Variants in STAM observed in about 807,000 individuals in gnomAD.
STAM encodes signal transducing adaptor molecule.
A neutral mutation model predicts 63.4 loss-of-function variants in STAM; 16 were observed. That is an observed-to-expected ratio of 0.25 (90% CI 0.17 to 0.38). The LOEUF is 0.38. Ranked by LOEUF, STAM falls within the 10% of genes least tolerant of loss-of-function variation. STAM has a pLI of 1.00. For synonymous variants in STAM, 238 were observed against 223.9 expected (o/e 1.06, Z -0.56); for missense variants, 636 against 657.1 (o/e 0.97, Z 0.35).
At chr10:17,669,582 C>G (rs1340804275) in intron 2 of STAM, among the ~76,000 whole-genome samples, 1 of 151,934 alleles carries the variant, frequency 6.6e-6, no homozygotes, top group South Asian at 2.1e-4. Flanking sequence ...AAGTTTTCCT[C>G]TTAAAAGTCT....
At position 17,644,366 on chromosome 10, in the gene STAM, C is replaced by G. The variant is rs782037157; in HGVS notation, c.27C>G (p.Phe9Leu). 9 of 1,614,064 alleles carry G rather than the reference C, an allele frequency of 5.6e-6. No individual in the cohort carries two copies. The African/African-American group carries it at 6.7e-5, about 12-fold the overall frequency. MPLFATNP[F>L]DQDVEKATSE... ...TGCCTCTTTTTGCCACCAATCCCTT[C>G]GATCAGGATGTTGGTAAGTGTTTTT... Residue 9 changes from phenylalanine to leucine, a missense_variant, in exon 1 of 14, where the codon TTC (phenylalanine) becomes TTG (leucine). By Grantham distance (22) the Phe-to-Leu change is conservative. Coordinates refer to ENST00000377524, the MANE Select transcript of STAM (RefSeq NM_003473.4).
chr10:17,693,309 A>G lies in STAM; in HGVS notation c.532A>G (p.Lys178Glu). 6.2e-7 allele frequency: 1 copy of G among 1,609,726 alleles called. No homozygotes were observed. The highest frequency in any genetic ancestry group is 8.5e-7 in the Non-Finnish European group (1 of 1,179,518). The change falls in exon 6 of 14, where the codon AAA becomes GAA. Residue 178 changes from lysine (K) to glutamate (E), a missense_variant. Physicochemically the swap from Lys to Glu is moderately conservative, Grantham distance 56. This residue lies in a region of STAM where 532 missense variants were observed against 536.9 expected (regional missense o/e 0.99). Coordinates refer to ENST00000377524, the MANE Select transcript of STAM (RefSeq NM_003473.4). Reference sequence around the variant, plus strand: ...CAAAAAAGAAGAAGAAGATTTAGCAAAAGGTGCGTTTTTAAGTCCCTGATG... The same window carrying G: ...CAAAAAAGAAGAAGAAGATTTAGCAGAAGGTGCGTTTTTAAGTCCCTGATG... ...ANKKEEEDLAKAIELSLKEQR... is the reference protein window; with the variant it reads ...ANKKEEEDLAEAIELSLKEQR...
rs148364612 is a variant in STAM, at chr10:17,644,228, A to G, written c.-112A>G. ...GAGGAGGAGCTGTCGCGGACCCTGT[A>G]GAGTCGGTCTCTGTTGCTCTTTTTG... On this transcript the variant is annotated 5_prime_UTR_variant, in exon 1 of 14. Transcript: ENST00000377524. The G allele has an allele frequency of 2.3e-4, 264 of 1,163,924 alleles. No individual in the cohort carries two copies. The highest frequency in any genetic ancestry group is 3.8e-4 in the Middle Eastern group (2 of 5,226). 72.1% of individuals were successfully genotyped at this position (1,163,924 alleles called of 1,614,324 possible). A position where few individuals can be genotyped will look rare whatever the true frequency, so the allele number is the denominator to read the frequency against.
At position 17,688,119 on chromosome 10, in the gene STAM, A is replaced by G; in HGVS notation, c.390A>G (p.Ala130=). 6.2e-7 allele frequency: 1 copy of G among 1,603,370 alleles called. No individual in the cohort carries two copies. The highest frequency in any genetic ancestry group is 8.5e-7 in the Non-Finnish European group (1 of 1,174,984). ...ATCCACAGCTTAGTCTAATATCAGC[A>G]ATGATTAAGAACCTTAAGGAACAAG... ...KNDPQLSLIS[A]MIKNLKEQGV... Residue 130 remains alanine, a synonymous_variant, in exon 5 of 14, where the codon GCA becomes GCG. Transcript: ENST00000377524.
Position 17,699,697 on chromosome 10 carries a change from C to T in STAM, c.824-494C>T, listed in dbSNP as rs142360622. Among the ~76,000 whole-genome samples, 693 of 152,290 alleles carry T rather than the reference C, an allele frequency of 4.6e-3. 6 individuals carry two copies. The highest frequency in any genetic ancestry group is 0.016 in the African/African-American group (669 of 41,568). On this transcript the variant is annotated intron_variant, in intron 8 of 13. Transcript: ENST00000377524. Reference sequence around the variant, plus strand: ...CGGCGCTCTCTAAACGCCTACGTGGCACGCCAGATAATACATAGCTGATTT... The same window carrying T: ...CGGCGCTCTCTAAACGCCTACGTGGTACGCCAGATAATACATAGCTGATTT...
rs782269561 is a variant in STAM at position 17,644,323 on chromosome 10, C to T, written c.-17C>T. 1 of 1,614,138 alleles carries T rather than the reference C, an allele frequency of 6.2e-7. No homozygotes were observed. Among genetic ancestry groups the T allele is most frequent in the Admixed American group, 1.7e-5 (1 of 60,026 alleles). On this transcript the variant is annotated 5_prime_UTR_variant, in exon 1 of 14. Transcript: ENST00000377524. ...GTCGAGAGGGAGTCCCCGGGGACAC[C>T]TCGGCACGCAGCGGAGATGCCTCTT... is the stretch of plus-strand genomic sequence containing the variant.
chr10:17,700,076 T>C, intron 8 of STAM, 115 bp from the exon 9 acceptor site: 1 of 741,720 alleles, frequency 1.3e-6, no homozygotes, highest in Non-Finnish European at 2.0e-6. Flanking sequence ...AATTGCGCCT[T>C]TTAGCTTGCT....
intron 9 of STAM, 151 bp downstream of exon 9, chr10:17,700,430 G>C (rs768670534): frequency 1.9e-6 from 1 of 533,110 alleles, no homozygotes; most frequent in Non-Finnish European, 3.2e-6. Flanking sequence ...GATGCAGACT[G>C]TTTTTTGAAA....
chr10:17,650,660 A>G (rs1025822673), intron 1 of STAM, among the ~76,000 whole-genome samples: 89 of 152,228 alleles, frequency 5.8e-4, no homozygotes, highest in African/African-American at 2.1e-3. Context: ...AGATTAGTAC[A>G]GTAGCTTCCA....
chr10:17,703,200 G>A (rs1554828761), intron 9 of STAM, among the ~76,000 whole-genome samples: 1 of 151,604 alleles, frequency 6.6e-6, no homozygotes, highest in Admixed American at 6.6e-5. Flanking sequence ...ACCTTTTTTT[G>A]TGTGTGGTAG....
At chr10:17,697,081 A>C (rs1343723965) in intron 8 of STAM, among the ~76,000 whole-genome samples, 1 of 151,982 alleles carries the variant, frequency 6.6e-6, no homozygotes, top group Non-Finnish European at 1.5e-5. Context: ...CGCCATGTCC[A>C]GCTGTTTTTG....
intron 2 of STAM, among the ~76,000 whole-genome samples, chr10:17,683,772 A>C (rs1424622676): frequency 6.6e-6 from 1 of 152,172 alleles, no homozygotes; most frequent in Non-Finnish European, 1.5e-5. Context: ...CTGCATTCTC[A>C]GTTGACTGAA....
intron 4 of STAM, among the ~76,000 whole-genome samples, chr10:17,687,569 A>G (rs1835347905): frequency 6.6e-6 from 1 of 152,254 alleles, no homozygotes; most frequent in Non-Finnish European, 1.5e-5. Context: ...TTTCAAAATG[A>G]TTAACATGCA....
chr10:17,670,224 A>G (rs1473357028), intron 2 of STAM, among the ~76,000 whole-genome samples: 2 of 152,158 alleles, frequency 1.3e-5, no homozygotes, highest in Non-Finnish European at 2.9e-5. Flanking sequence ...TTGCCTAGAC[A>G]ATGATTTTAC....
chr10:17,691,720 C>T lies in STAM; in HGVS notation c.445-1502C>T, dbSNP rs182057004. Among the ~76,000 whole-genome samples the T allele has an allele frequency of 2.6e-5, 4 of 152,260 alleles. No homozygotes were observed. The East Asian group carries it at 5.8e-4, about 22-fold the overall frequency. ...TTGTGGAGACAGACATGTAATCAGA[C>T]AATTATAACAGAAGCTGAGATTATT... On this transcript the variant is annotated intron_variant, in intron 5 of 13. Coordinates refer to ENST00000377524, the MANE Select transcript of STAM (RefSeq NM_003473.4).
chr10:17,713,395 A>G (rs550025668), intron 13 of STAM, among the ~76,000 whole-genome samples: 1 of 150,944 alleles, frequency 6.6e-6, no homozygotes, highest in African/African-American at 2.5e-5. Context: ...CTGATTGCCT[A>G]TGCAGGACAA....
At chr10:17,706,936 A>T (rs1357867901) in intron 12 of STAM, among the ~76,000 whole-genome samples, 9 of 152,224 alleles carry the variant, frequency 5.9e-5, no homozygotes, top group African/African-American at 2.2e-4. Flanking sequence ...TATTATTACA[A>T]ACCAACAAAA....
chr10:17,703,385 G>A (rs531140550), intron 9 of STAM, among the ~76,000 whole-genome samples: 11 of 149,478 alleles, frequency 7.4e-5, no homozygotes, highest in Non-Finnish European at 1.2e-4. Flanking sequence ...TGATTAATTC[G>A]TTTCTCAAGC....
chr10:17,714,772 C>T lies in STAM; in HGVS notation c.1615C>T (p.Leu539=). ...ACAGCAACCATATTCTCAGAAGGCT[C>T]TGCTATAGGACCCGGTGTTCCTCTT... ...QPQQPYSQKA[L]L is the part of the protein sequence containing the mutation. The change falls in exon 14 of 14, where the codon CTG becomes TTG. Residue 539 remains leucine, a synonymous_variant. Transcript: ENST00000377524. 2 of 1,614,094 alleles carry T rather than the reference C, an allele frequency of 1.2e-6. No homozygotes were observed. The highest frequency in any genetic ancestry group is 1.3e-5 in the African/African-American group (1 of 75,026).
Sources: allele counts gnomAD v4.1 joint callset (sites outside exome capture counted in the v4.1 genomes callset), GRCh38; gene constraint gnomAD v4.1.1; regional missense constraint gnomAD v4.1.1; transcripts MANE v1.5; gene names NCBI Gene and HGNC (gene_info 2026-07-23, HGNC 2026-07-21).